CHST8: variants seen among roughly 807,000 people sequenced by gnomAD.
CHST8 encodes the protein carbohydrate sulfotransferase 8.
In CHST8, 10 loss-of-function variants were observed where a neutral mutation model predicts 15.0. The ratio of observed to expected loss-of-function variants is 0.67; its 90% CI spans 0.41 to 1.13. CHST8 has a LOEUF of 1.13. Among genes scored for constraint, CHST8 ranks in the 50% most tolerant of loss-of-function variants. The probability of loss-of-function intolerance (pLI) is 0.00; values close to 1 mark genes in which losing one functional copy is unlikely to be tolerated. For missense variants in CHST8, 634 were observed against 608.2 expected (o/e 1.04, Z -0.45); for synonymous variants, 259 against 256.6 (o/e 1.01, Z -0.09).
At position 33,689,763 on chromosome 19, in the gene CHST8, T is replaced by C. The variant is rs190684231; in HGVS notation, c.130+372T>C. 2.4e-3 allele frequency among the ~76,000 whole-genome samples: 366 copies of C among 152,292 alleles called. 3 individuals carry two copies. Among genetic ancestry groups the C allele is most frequent in the South Asian group, 1.0e-2 (48 of 4,824 alleles). On this transcript the variant is annotated intron_variant, in intron 3 of 4. Coordinates refer to ENST00000650847, the MANE Select transcript of CHST8 (RefSeq NM_001127895.2). Reference sequence around the variant, plus strand: ...AGTAGACAACTTCTCCCTGAGCCCATGCCCCACAAGCAAGACTCAGTTTCC... The same window carrying C: ...AGTAGACAACTTCTCCCTGAGCCCACGCCCCACAAGCAAGACTCAGTTTCC...
At chr19:33,755,555 C>A (rs1370645711) in intron 3 of CHST8, among the ~76,000 whole-genome samples, 4 of 152,250 alleles carry the variant, frequency 2.6e-5, no homozygotes, top group Admixed American at 2.0e-4. Flanking sequence ...GCTCCTCATC[C>A]CTGCCACGCG....
At chr19:33,713,922 A>G (rs376584441) in intron 3 of CHST8, among the ~76,000 whole-genome samples, 95 of 152,216 alleles carry the variant, frequency 6.2e-4, no homozygotes, top group African/African-American at 2.1e-3. Flanking sequence ...CTGGCTGAGG[A>G]GTGCAGGGCT....
At chr19:33,759,420 C>T (rs76882673) in intron 3 of CHST8, among the ~76,000 whole-genome samples, 3,162 of 152,328 alleles carry the variant, frequency 0.021, 53 homozygotes, top group Non-Finnish European at 0.027. Flanking sequence ...AGGCATGGTG[C>T]TGTGAGGTCA....
intron 2 of CHST8, chr19:33,685,164 A>G (rs1972954649): frequency 6.6e-6 from 1 of 152,236 alleles, no homozygotes; most frequent in Non-Finnish European, 1.5e-5. Context: ...GGAGCCGTCC[A>G]TGCGTCTGTC....
At chr19:33,673,921 T>C (rs1197738810) in intron 2 of CHST8, among the ~76,000 whole-genome samples, 5 of 152,148 alleles carry the variant, frequency 3.3e-5, no homozygotes, top group Non-Finnish European at 5.9e-5. Flanking sequence ...ATCTGGCTAA[T>C]TTTTGTATTT....
In CHST8 at chr19:33,684,340, C is replaced by T. The variant is rs541044951; in HGVS notation, c.-86-4836C>T. On this transcript the variant is annotated intron_variant, in intron 2 of 4. Coordinates refer to ENST00000650847, the MANE Select transcript of CHST8 (RefSeq NM_001127895.2). Reference sequence around the variant, plus strand: ...AATTGCCTTCCCCGGGAGTAGCGTGCCGCCCGGCAGGGGCCTGGGTGTGCC... The same window carrying T: ...AATTGCCTTCCCCGGGAGTAGCGTGTCGCCCGGCAGGGGCCTGGGTGTGCC... Among the ~76,000 whole-genome samples, 58 of 152,310 alleles carry T rather than the reference C, an allele frequency of 3.8e-4. 1 individual carries two copies. Among genetic ancestry groups the T allele is most frequent in the Admixed American group, 3.8e-3 (58 of 15,308 alleles).
intron 3 of CHST8, among the ~76,000 whole-genome samples, chr19:33,765,557 G>GTGTGTGTGTGTGTGTC (rs1467364267): frequency 2.8e-5 from 2 of 72,590 alleles, no homozygotes; most frequent in African/African-American, 1.1e-4. Flanking sequence ...GTGTGTGTCA[G>GTGTGTGTGTGTGTGTC]AGAGAGAGAG....
chr19:33,693,461 T>C (rs544689816), intron 3 of CHST8, among the ~76,000 whole-genome samples: 10 of 152,352 alleles, frequency 6.6e-5, no homozygotes, highest in African/African-American at 2.4e-4. Context: ...CTCACAAATA[T>C]AATTACCTTT....
At chr19:33,699,052 T>C (rs954869932) in intron 3 of CHST8, among the ~76,000 whole-genome samples, 2 of 152,142 alleles carry the variant, frequency 1.3e-5, no homozygotes, top group African/African-American at 4.8e-5. Flanking sequence ...CTGCTCCCCG[T>C]TGGGCTGGAT....
At chr19:33,732,835 C>T (rs1452005463) in intron 3 of CHST8, among the ~76,000 whole-genome samples, 2 of 152,172 alleles carry the variant, frequency 1.3e-5, no homozygotes, top group African/African-American at 4.8e-5. Flanking sequence ...TGTATCATCT[C>T]ATTTAATTCT....
At chr19:33,687,835 T>C (rs1308159783) in intron 2 of CHST8, among the ~76,000 whole-genome samples, 1 of 152,078 alleles carries the variant, frequency 6.6e-6, no homozygotes, top group Non-Finnish European at 1.5e-5. Flanking sequence ...TGGGTCCGTG[T>C]TGGGGAGGAG....
chr19:33,627,734 C>A (rs571213819), intron 1 of CHST8, among the ~76,000 whole-genome samples: 2 of 152,190 alleles, frequency 1.3e-5, no homozygotes, highest in African/African-American at 4.8e-5. Context: ...CTCAGTCCCA[C>A]ACTCCTGGTG....
intron 3 of CHST8, among the ~76,000 whole-genome samples, chr19:33,698,749 G>T (rs983034922): frequency 2.0e-5 from 3 of 152,108 alleles, no homozygotes; most frequent in Non-Finnish European, 2.9e-5. Context: ...GGCAGGGTGT[G>T]TGGAGTCTCC....
chr19:33,647,704 G>C (rs1191647152), intron 1 of CHST8, among the ~76,000 whole-genome samples: 1 of 151,994 alleles, frequency 6.6e-6, no homozygotes, highest in East Asian at 1.9e-4. Context: ...AAATTAGCCA[G>C]GCATGGTGGC....
intron 1 of CHST8, among the ~76,000 whole-genome samples, chr19:33,638,816 T>A (rs1368621469): frequency 1.3e-5 from 2 of 152,024 alleles, no homozygotes; most frequent in African/African-American, 4.8e-5. Context: ...GCTGGTGGAT[T>A]TTTTAGGTTC....
intron 1 of CHST8, among the ~76,000 whole-genome samples, chr19:33,666,506 A>C (rs1479173340): frequency 6.6e-6 from 1 of 152,166 alleles, no homozygotes; most frequent in East Asian, 1.9e-4. Flanking sequence ...GAAGAGAAGG[A>C]ACCGGAAGGT....
At chr19:33,655,524 T>G (rs1972501064) in intron 1 of CHST8, among the ~76,000 whole-genome samples, 1 of 152,226 alleles carries the variant, frequency 6.6e-6, no homozygotes. Flanking sequence ...AAAATGTCTG[T>G]TCCTTGAAGG....
intron 3 of CHST8, among the ~76,000 whole-genome samples, chr19:33,733,436 T>C (rs917335802): frequency 1.3e-5 from 2 of 152,088 alleles, no homozygotes; most frequent in Non-Finnish European, 2.9e-5. Context: ...GGTTTCATCA[T>C]GTTGGCCAAG....
At chr19:33,691,008 CA>C (rs1174860789) in intron 3 of CHST8, among the ~76,000 whole-genome samples, 1 of 152,206 alleles carries the variant, frequency 6.6e-6, no homozygotes, top group East Asian at 1.9e-4. Context: ...GGAGAGGAGG[CA>C]TGAGTGTGCC....
Sources: allele counts gnomAD v4.1 joint callset (sites outside exome capture counted in the v4.1 genomes callset), GRCh38; gene constraint gnomAD v4.1.1; transcripts MANE v1.5; gene names NCBI Gene and HGNC (gene_info 2026-07-23, HGNC 2026-07-21).